MYH4: variants seen among roughly 807,000 people sequenced by gnomAD.
The protein encoded by MYH4 is myosin-4.
MYH4 carries 200 observed loss-of-function variants against 229.9 expected under a neutral mutation model. The observed-to-expected ratio is 0.87, with a 90% CI of 0.78 to 0.98. The LOEUF (loss-of-function observed/expected upper bound fraction) is 0.98. Ranked by LOEUF, MYH4 falls within the 50% of genes least tolerant of loss-of-function variation. The pLI is 0.00. For synonymous variants in MYH4, 761 were observed against 834.6 expected (o/e 0.91, Z 1.52); for missense variants, 2,148 against 2,332.6 (o/e 0.92, Z 1.63).
In MYH4 at chr17:10,450,522, T is replaced by C. The variant is rs779803688; in HGVS notation, c.4112A>G (p.Glu1371Gly). Reference sequence around the variant, plus strand: ...GTACTTGGTCCTCCACTGGGCAACCTCACTGTTGGCCTTGGACATTCCCCT... The same window carrying C: ...GTACTTGGTCCTCCACTGGGCAACCCCACTGTTGGCCTTGGACATTCCCCT... ...LQRGMSKANS[E>G]VAQWRTKYET... The change falls in exon 30 of 40, where the codon GAG (glutamate) becomes GGG (glycine). Residue 1371 changes from glutamate (E) to glycine (G), a missense_variant. Glu to Gly is a moderately conservative substitution (Grantham distance 98). Coordinates refer to ENST00000255381, the MANE Select transcript of MYH4 (RefSeq NM_017533.2). 1.5e-5 allele frequency: 24 copies of C among 1,614,020 alleles called. No homozygotes were observed. In the African/African-American group the frequency reaches 3.1e-4, roughly 21 times the overall value.
intron 35 of MYH4, 23 bp downstream of exon 35, chr17:10,446,990 T>C (rs200197868): frequency 1.2e-6 from 2 of 1,606,622 alleles, no homozygotes; most frequent in East Asian, 4.5e-5. Context: ...GTACATTTTC[T>C]AAACCATAGT....
rs574421981 is a variant in MYH4, at chr17:10,455,277, C to A, written c.2193G>T (p.Ala731=). Residue 731 remains alanine, a synonymous_variant, in exon 20 of 40, where the codon GCG becomes GCT. Transcript: ENST00000255381. The part of the protein sequence containing the change: ...DFKQRYKVLN[A]SAIPEGQFID... ...TGAACTGACCCTCTGGGATAGCACT[C>A]GCATTTAGAACCTTGTATCTGTCAG... 3 of 1,613,618 alleles carry A rather than the reference C, an allele frequency of 1.9e-6. No individual in the cohort carries two copies. Among genetic ancestry groups the A allele is most frequent in the Admixed American group, 1.7e-5 (1 of 59,964 alleles).
At position 10,452,883 on chromosome 17, in the gene MYH4, C is replaced by A. The variant is rs1372611792; in HGVS notation, c.3161G>T (p.Arg1054Ile). ...QEKKLCMDLE[R>I]AKRKLEGDLK... ...GTCACCCTCCAGTTTTCTCTTGGCT[C>A]TTTCTAAGTCCATGCAAAGTTTCTT... The change falls in exon 25 of 40, where the codon AGA (arginine) becomes ATA (isoleucine). Residue 1054 changes from arginine to isoleucine, a missense_variant. By Grantham distance (97) the Arg-to-Ile change is moderately conservative. Transcript: ENST00000255381. 1 of 1,605,138 alleles carries A rather than the reference C, an allele frequency of 6.2e-7. No homozygotes were observed. Among genetic ancestry groups the A allele is most frequent in the Non-Finnish European group, 8.5e-7 (1 of 1,178,358 alleles).
chr17:10,445,589 C>T (rs2072503352), intron 35 of MYH4, among the ~76,000 whole-genome samples: 1 of 152,128 alleles, frequency 6.6e-6, no homozygotes, highest in South Asian at 2.1e-4. Flanking sequence ...CAACTATTAC[C>T]ATTGCCATTT....
Position 10,453,267 on chromosome 17 carries a change from T to C in MYH4, c.2996A>G (p.Glu999Gly). Residue 999 changes from glutamate (E) to glycine (G), a missense_variant, in exon 24 of 40, where the codon GAG (glutamate) becomes GGG (glycine). Glu to Gly is a moderately conservative substitution (Grantham distance 98). Coordinates refer to ENST00000255381, the MANE Select transcript of MYH4 (RefSeq NM_017533.2). The stretch of plus-strand genomic sequence containing the variant: ...GTGGGCCTCCTGGAGAGCCTTCTTC[T>C]CCTTGGTCAGCTTAGCAATGGTTTC... ...LDETIAKLTK[E>G]KKALQEAHQQ... 6.2e-7 allele frequency: 1 copy of C among 1,614,068 alleles called. No individual in the cohort carries two copies. The highest frequency in any genetic ancestry group is 1.1e-5 in the South Asian group (1 of 91,082).
In MYH4 at chr17:10,457,655, C is replaced by T; in HGVS notation, c.1662G>A (p.Lys554=). The change falls in exon 16 of 40, where the codon AAG becomes AAA. Residue 554 remains lysine, a synonymous_variant. Coordinates refer to ENST00000255381, the MANE Select transcript of MYH4 (RefSeq NM_017533.2). ...PKATDTSFKN[K]LYEQHLGKSN... ...ATTTTCCAAGATGTTGTTCATACAG[C>T]TTGTTCTTGAAGGAGGTGTCTGTTG... 6.2e-7 allele frequency: 1 copy of T among 1,614,188 alleles called. No individual in the cohort carries two copies. Among genetic ancestry groups the T allele is most frequent in the East Asian group, 2.2e-5 (1 of 44,880 alleles).
Position 10,452,375 on chromosome 17 carries a change from G to A in MYH4, c.3348+41C>T. ...ATTAATGTGAATTTATGTCAGTTTT[G>A]TTTCCTGTAATGCCCAGAAAAGGTG... On this transcript the variant is annotated intron_variant, in intron 26 of 39. Transcript: ENST00000255381. The A allele has an allele frequency of 2.5e-6, 4 of 1,614,132 alleles. No individual in the cohort carries two copies. In the South Asian group the frequency reaches 4.4e-5, roughly 18 times the overall value.
At position 10,457,480 on chromosome 17, in the gene MYH4, G is replaced by A; in HGVS notation, c.1837C>T (p.Gln613Ter). 1.9e-6 allele frequency: 3 copies of A among 1,614,132 alleles called. No homozygotes were observed. The highest frequency in any genetic ancestry group is 2.5e-6 in the Non-Finnish European group (3 of 1,179,996). ...GCCAGAGTCTTCATTGCAGACTTCT[G>A]GTACAGCCCCACCACAGTCTCATTC... ...PLNETVVGLY[Q>*]KSAMKTLAFL... The change falls in exon 16 of 40, where the codon CAG becomes TAG. Residue 613 changes from glutamine (Q) to a stop codon, truncating the protein, a stop_gained. Transcript: ENST00000255381. LOFTEE classifies it high-confidence loss of function.
intron 15 of MYH4, among the ~76,000 whole-genome samples, chr17:10,458,667 T>G (rs780572391): frequency 6.6e-6 from 1 of 152,190 alleles, no homozygotes; most frequent in African/African-American, 2.4e-5. Context: ...AACGATTGCT[T>G]GATGAGTGTT....
Position 10,454,614 on chromosome 17 carries a change from C to T in MYH4, c.2632G>A (p.Glu878Lys). ...AKTEAKRKEL[E>K]EKMVTLMQEK... is the part of the protein sequence containing the mutation. Reference sequence around the variant, plus strand: ...TGCATTAGCGTCACCATCTTTTCTTCTAGTTCTTTCCTTTTTGCCTCTGTC... The same window carrying T: ...TGCATTAGCGTCACCATCTTTTCTTTTAGTTCTTTCCTTTTTGCCTCTGTC... Residue 878 changes from glutamate (E) to lysine (K), a missense_variant, in exon 22 of 40, where the codon GAA becomes AAA. By Grantham distance (56) the Glu-to-Lys change is moderately conservative. Transcript: ENST00000255381. 2 of 1,614,168 alleles carry T rather than the reference C, an allele frequency of 1.2e-6. No individual in the cohort carries two copies. Among genetic ancestry groups the T allele is most frequent in the South Asian group, 2.2e-5 (2 of 91,078 alleles).
At chr17:10,451,852 GT>G in intron 27 of MYH4, 88 bp downstream of exon 27, 1 of 1,472,978 alleles carries the variant, frequency 6.8e-7, no homozygotes, top group Non-Finnish European at 9.1e-7. Context: ...TCTAATGTTT[GT>G]GTAATTTGGC....
chr17:10,446,277 T>C (rs1402743776), intron 35 of MYH4, among the ~76,000 whole-genome samples: 6 of 152,110 alleles, frequency 3.9e-5, no homozygotes, highest in Non-Finnish European at 8.8e-5. Context: ...TTGTAAAAGA[T>C]AGTAGAACAT....
chr17:10,445,675 A>G (rs1004552169), intron 35 of MYH4, among the ~76,000 whole-genome samples: 8 of 152,146 alleles, frequency 5.3e-5, no homozygotes, highest in African/African-American at 1.9e-4. Context: ...TTTAAAATGA[A>G]TCAGTAATTT....
chr17:10,454,473 A>G, intron 22 of MYH4, 82 bp downstream of exon 22: 2 of 1,532,980 alleles, frequency 1.3e-6, no homozygotes, highest in Non-Finnish European at 1.8e-6. Flanking sequence ...AAACAATCAG[A>G]ACAAATGTTT....
chr17:10,449,082 G>A (rs753404746), intron 30 of MYH4, 35 bp from the exon 31 acceptor site: 1 of 1,594,884 alleles, frequency 6.3e-7, no homozygotes, highest in Non-Finnish European at 8.6e-7. Flanking sequence ...ACCAAGAGCA[G>A]ACTCAGAGTC....
Position 10,459,978 on chromosome 17 carries a change from C to A in MYH4, c.1390G>T (p.Asp464Tyr). 6.2e-7 allele frequency: 1 copy of A among 1,613,988 alleles called. No homozygotes were observed. The highest frequency in any genetic ancestry group is 8.5e-7 in the Non-Finnish European group (1 of 1,179,940). ...TCAAAGATCTCAAAGCCAGCAATGT[C>A]CAAGACCCCGATGAAGTACTGCCTG... ...QPRQYFIGVL[D>Y]IAGFEIFDFN... Residue 464 changes from aspartate to tyrosine, a missense_variant, in exon 14 of 40, where the codon GAC (aspartate) becomes TAC (tyrosine). Physicochemically the swap from Asp to Tyr is radical, Grantham distance 160. Transcript: ENST00000255381.
chr17:10,447,916 C>T lies in MYH4; in HGVS notation c.4867G>A (p.Glu1623Lys). ...NDALRIKKKM[E>K]GDLNEMEIQL... ...ATTTCCATTTCATTAAGATCTCCCTCCATCTTCTTCTTGATCCTCAGAGCA... is the reference window on the plus strand; with the variant it reads ...ATTTCCATTTCATTAAGATCTCCCTTCATCTTCTTCTTGATCCTCAGAGCA... Residue 1623 changes from glutamate (E) to lysine (K), a missense_variant, in exon 34 of 40, where the codon GAG (glutamate) becomes AAG (lysine). Physicochemically the swap from Glu to Lys is moderately conservative, Grantham distance 56. Coordinates refer to ENST00000255381, the MANE Select transcript of MYH4 (RefSeq NM_017533.2). 6.2e-7 allele frequency: 1 copy of T among 1,614,058 alleles called. No individual in the cohort carries two copies. The highest frequency in any genetic ancestry group is 8.5e-7 in the Non-Finnish European group (1 of 1,179,992).
intron 14 of MYH4, 130 bp from the exon 15 acceptor site, chr17:10,459,551 A>G (rs1296288369): frequency 4.1e-6 from 6 of 1,470,322 alleles, no homozygotes; most frequent in Admixed American, 2.1e-5. Context: ...TTGTTTTCCT[A>G]TTATATAGTT....
At chr17:10,452,368 C>T in intron 26 of MYH4, 38 bp from the exon 27 acceptor site, 1 of 1,614,108 alleles carries the variant, frequency 6.2e-7, no homozygotes, top group Non-Finnish European at 8.5e-7. Flanking sequence ...GAATTTATGT[C>T]AGTTTTGTTT....
Sources: gnomAD v4.1 joint callset for allele counts (sites outside exome capture counted in the v4.1 genomes callset) on GRCh38, gnomAD v4.1.1 for gene constraint, MANE v1.5 for transcripts, NCBI Gene and HGNC (gene_info 2026-07-23, HGNC 2026-07-21) for gene names.